FSIP2: variants seen among roughly 807,000 people sequenced by gnomAD.
FSIP2 encodes the protein fibrous sheath-interacting protein 2.
A neutral mutation model predicts 510.5 loss-of-function variants in FSIP2; 367 were observed. That is an observed-to-expected ratio of 0.72 (90% CI 0.66 to 0.78). The LOEUF (loss-of-function observed/expected upper bound fraction) is 0.78, where lower values mean the gene tolerates loss of function less well. FSIP2 is among the 30% of genes least tolerant of loss of function. The probability of loss-of-function intolerance (pLI) is 0.00; values close to 1 mark genes in which losing one functional copy is unlikely to be tolerated. For missense variants in FSIP2, 7,594 were observed against 7,901.7 expected (o/e 0.96, Z 1.48); for synonymous variants, 2,601 against 2,732.2 (o/e 0.95, Z 1.50).
Position 185,813,577 on chromosome 2 carries a change from A to G in FSIP2, c.19860A>G (p.Arg6620=), listed in dbSNP as rs1693776708. 1.3e-6 allele frequency: 2 copies of G among 1,546,492 alleles called. No homozygotes were observed. Among genetic ancestry groups the G allele is most frequent in the Non-Finnish European group, 1.7e-6 (2 of 1,150,724 alleles). ...CTAGAAATTCATTTCAGAATATAAG[A>G]AAGCCTGATATTACAAAGGTGGAGC... ...AVARNSFQNI[R]KPDITKVELL... The change falls in exon 18 of 23, where the codon AGA becomes AGG. Residue 6620 remains arginine (R), a synonymous_variant. Transcript: ENST00000424728.
chr2:185,803,977 C>A lies in FSIP2; in HGVS notation c.14671C>A (p.Pro4891Thr), dbSNP rs896507207. ...AGATAAAAAGAGCATAAGTGACATACCTGTTTCAAAAATAGCGAGTTTTAT... is the reference window on the plus strand; with the variant it reads ...AGATAAAAAGAGCATAAGTGACATAACTGTTTCAAAAATAGCGAGTTTTAT... ...TKDKKSISDI[P>T]VSKIASFIIK... Residue 4891 changes from proline (P) to threonine (T), a missense_variant, in exon 17 of 23, where the codon CCT becomes ACT. By Grantham distance (38) the Pro-to-Thr change is conservative. Coordinates refer to ENST00000424728, the MANE Select transcript of FSIP2 (RefSeq NM_173651.4). The A allele has an allele frequency of 4.7e-6, 7 of 1,496,536 alleles. No homozygotes were observed. Among genetic ancestry groups the A allele is most frequent in the East Asian group, 2.5e-5 (1 of 40,566 alleles). The allele number at this position is 1,496,536 out of a possible 1,614,324, so 92.7% of individuals were successfully genotyped here. A position where few individuals can be genotyped will look rare whatever the true frequency, so the allele number is the denominator to read the frequency against.
At chr2:185,739,277 G>C in intron 1 of FSIP2, 69 bp from the exon 2 acceptor site, 1 of 1,412,538 alleles carries the variant, frequency 7.1e-7, no homozygotes, top group South Asian at 1.4e-5. Context: ...TGCAATGGAA[G>C]TAGATTGGTC....
In FSIP2 at chr2:185,792,044, G is replaced by A; in HGVS notation, c.4908G>A (p.Leu1636=). ...GAGACACACATGAAGCATCATTTCT[G>A]TCTGCTTTATATATGCATGCAAAGA... is the stretch of plus-strand genomic sequence containing the variant. ...ISRDTHEASF[L]SALYMHAKKV... is the part of the protein sequence containing the mutation. Residue 1636 remains leucine (L), a synonymous_variant, in exon 16 of 23, where the codon CTG becomes CTA. Transcript: ENST00000424728. 2 of 1,533,902 alleles carry A rather than the reference G, an allele frequency of 1.3e-6. No individual in the cohort carries two copies. The highest frequency in any genetic ancestry group is 1.7e-6 in the Non-Finnish European group (2 of 1,145,298).
chr2:185,771,809 C>A (rs972899233), intron 13 of FSIP2, among the ~76,000 whole-genome samples: 1 of 152,186 alleles, frequency 6.6e-6, no homozygotes, highest in Non-Finnish European at 1.5e-5. Context: ...CCTTTTCTAT[C>A]ACAAAGACAG....
Position 185,802,172 on chromosome 2 carries a change from T to G in FSIP2, c.12866T>G (p.Val4289Gly), listed in dbSNP as rs756522877. The change falls in exon 17 of 23, where the codon GTG becomes GGG. Residue 4289 changes from valine to glycine, a missense_variant. Physicochemically the swap from Val to Gly is moderately radical, Grantham distance 109. Coordinates refer to ENST00000424728, the MANE Select transcript of FSIP2 (RefSeq NM_173651.4). ...ATTGTTACACAGGTTCTGAGTGAAGTGATAGAGTCACACAGACCTCAGAAG... is the reference window on the plus strand; with the variant it reads ...ATTGTTACACAGGTTCTGAGTGAAGGGATAGAGTCACACAGACCTCAGAAG... ...STIVTQVLSE[V>G]IESHRPQKQS... is the part of the protein sequence containing the mutation. 7 of 1,533,120 alleles carry G rather than the reference T, an allele frequency of 4.6e-6. No homozygotes were observed. Among genetic ancestry groups the G allele is most frequent in the Non-Finnish European group, 6.1e-6 (7 of 1,145,056 alleles). 95.0% of individuals were successfully genotyped at this position (1,533,120 alleles called of 1,614,324 possible).
intron 21 of FSIP2, 62 bp from the exon 22 acceptor site, chr2:185,831,750 TG>T (rs757405577): frequency 1.0e-6 from 1 of 1,000,226 alleles, no homozygotes; most frequent in Non-Finnish European, 1.6e-6. Context: ...TGAGGACTTA[TG>T]GGTATATCTA....
At position 185,806,040 on chromosome 2, in the gene FSIP2, AGAT is replaced by A. The variant is rs1364146860; in HGVS notation, c.16740_16742del (p.Asp5580del). 3 of 1,551,022 alleles carry A rather than the reference AGAT, an allele frequency of 1.9e-6. No homozygotes were observed. In the African/African-American group the frequency reaches 4.2e-5, roughly 21 times the overall value. ...TAATTCCAACAGATAAAAAAGGGAAAGATGATGAGATATACACACATTTTTCAT... is the reference window on the plus strand; with the variant it reads ...TAATTCCAACAGATAAAAAAGGGAAAGATGAGATATACACACATTTTTCAT... On this transcript the variant is annotated inframe_deletion, in exon 17 of 23. Transcript: ENST00000424728.
chr2:185,806,416 A>AG lies in FSIP2; in HGVS notation c.17111dup (p.Ser5704ArgfsTer3). 1 of 1,611,684 alleles carries AG rather than the reference A, an allele frequency of 6.2e-7. No individual in the cohort carries two copies. The highest frequency in any genetic ancestry group is 8.5e-7 in the Non-Finnish European group (1 of 1,178,310). ...AGAACCAGCATATTATTCGAAACTC[A>AG]GTTATGACCAAAGCCCCCCAGGTGA... On this transcript the variant is annotated frameshift_variant, in exon 17 of 23. Transcript: ENST00000424728. LOFTEE classifies it high-confidence loss of function.
rs1304525683 is a variant in FSIP2, at chr2:185,792,261, C to T, written c.5125C>T (p.Arg1709Ter). The T allele has an allele frequency of 9.1e-6, 14 of 1,533,170 alleles. No individual in the cohort carries two copies. In the East Asian group the frequency reaches 2.0e-4, roughly 21 times the overall value. The allele number at this position is 1,533,170 out of a possible 1,614,324, so 95.0% of individuals were successfully genotyped here. The change falls in exon 16 of 23, where the codon CGA (arginine) becomes TGA (stop). Residue 1709 changes from arginine (R) to a stop codon, truncating the protein, a stop_gained. Coordinates refer to ENST00000424728, the MANE Select transcript of FSIP2 (RefSeq NM_173651.4). LOFTEE classifies it high-confidence loss of function. ...ESEGGGIETY[R>*]YRPTYGSLPG... ...TGAAGGGGGAGGCATTGAAACTTAT[C>T]GATACAGGCCAACATATGGAAGTCT...
rs145465425 is a variant in FSIP2, at chr2:185,811,768, C to T, written c.19828-1777C>T. On this transcript the variant is annotated intron_variant, in intron 17 of 22. Transcript: ENST00000424728. ...AGAATAACATTCCTCACATTCCCAC[C>T]GCAACTTTTCTAGCTGTGGCTCAAA... Among the ~76,000 whole-genome samples the T allele has an allele frequency of 6.6e-5, 10 of 152,180 alleles. 1 individual carries two copies. The East Asian group carries it at 9.7e-4, about 15-fold the overall frequency.
At chr2:185,747,288 A>G in intron 6 of FSIP2, 25 bp from the exon 7 acceptor site, 1 of 1,270,734 alleles carries the variant, frequency 7.9e-7, no homozygotes, top group South Asian at 1.3e-5. Flanking sequence ...ACACACACCA[A>G]GTGCAGTAAC....
At chr2:185,823,767 G>A (rs892086159) in intron 19 of FSIP2, among the ~76,000 whole-genome samples, 3 of 151,620 alleles carry the variant, frequency 2.0e-5, no homozygotes, top group Admixed American at 6.6e-5. Context: ...TAAAAGCAGG[G>A]ACTGAAACAG....
chr2:185,737,554 G>A (rs1414802039), upstream of FSIP2, among the ~76,000 whole-genome samples: 1 of 152,160 alleles, frequency 6.6e-6, no homozygotes, highest in African/African-American at 2.4e-5. Context: ...TAAAATTAGT[G>A]GGACTTGGGG....
intron 19 of FSIP2, among the ~76,000 whole-genome samples, chr2:185,816,764 T>C (rs752446410): frequency 2.0e-5 from 3 of 151,488 alleles, no homozygotes; most frequent in Non-Finnish European, 4.4e-5. Context: ...GCTGAGGTGA[T>C]AGAATTGCTT....
In FSIP2 at chr2:185,803,846, A is replaced by T; in HGVS notation, c.14540A>T (p.Tyr4847Phe). ...AAACATGAAATATGTATTATTAAAT[A>T]TGGGAATAAAAAACAGAGTATGATT... ...ISKHEICIIKYGNKKQSMISA... is the reference protein window; with the variant it reads ...ISKHEICIIKFGNKKQSMISA... Residue 4847 changes from tyrosine (Y) to phenylalanine (F), a missense_variant, in exon 17 of 23, where the codon TAT (tyrosine) becomes TTT (phenylalanine). Physicochemically the swap from Tyr to Phe is conservative, Grantham distance 22. Transcript: ENST00000424728. 6.6e-7 allele frequency: 1 copy of T among 1,508,674 alleles called. No homozygotes were observed. The highest frequency in any genetic ancestry group is 8.8e-7 in the Non-Finnish European group (1 of 1,130,292). The allele number at this position is 1,508,674 out of a possible 1,614,324, so 93.5% of individuals were successfully genotyped here.
Position 185,745,354 on chromosome 2 carries a change from A to C in FSIP2, c.478-75A>C, listed in dbSNP as rs974866238. The C allele has an allele frequency of 6.7e-5, 58 of 868,936 alleles. 1 individual carries two copies. The African/African-American group carries it at 7.7e-4, about 12-fold the overall frequency. 53.8% of individuals were successfully genotyped at this position (868,936 alleles called of 1,614,324 possible). On this transcript the variant is annotated intron_variant, in intron 4 of 22. Transcript: ENST00000424728. ...ACAGAATTAAGCATTTATAAAATAT[A>C]TAAATTTAAATGGTTTTATTTCTGG... is the stretch of plus-strand genomic sequence containing the variant.
At position 185,791,453 on chromosome 2, in the gene FSIP2, A is replaced by G; in HGVS notation, c.4317A>G (p.Thr1439=). Residue 1439 remains threonine (T), a synonymous_variant, in exon 16 of 23, where the codon ACA becomes ACG. Transcript: ENST00000424728. ...KLQVLERIGE[T]LHEMLSKLLG... ...AAGTGTTAGAAAGAATTGGGGAAACACTACATGAAATGTTAAGCAAGCTCC... is the reference window on the plus strand; with the variant it reads ...AAGTGTTAGAAAGAATTGGGGAAACGCTACATGAAATGTTAAGCAAGCTCC... 1 of 1,534,272 alleles carries G rather than the reference A, an allele frequency of 6.5e-7. No homozygotes were observed. Among genetic ancestry groups the G allele is most frequent in the Non-Finnish European group, 8.7e-7 (1 of 1,145,638 alleles).
chr2:185,794,029 T>A lies in FSIP2; in HGVS notation c.6893T>A (p.Ile2298Asn). ...GAAAATTGTAAACAAAATGACAGCA[T>A]CTTTTATGATTCAAGCCAAGTGGAA... ...ELENCKQNDSIFYDSSQVESD... is the reference protein window; with the variant it reads ...ELENCKQNDSNFYDSSQVESD... Residue 2298 changes from isoleucine to asparagine, a missense_variant, in exon 16 of 23, where the codon ATC (isoleucine) becomes AAC (asparagine). Transcript: ENST00000424728. 6.5e-7 allele frequency: 1 copy of A among 1,533,906 alleles called. No homozygotes were observed. The highest frequency in any genetic ancestry group is 8.7e-7 in the Non-Finnish European group (1 of 1,145,432).
At chr2:185,746,869 T>C (rs1283039341) in intron 6 of FSIP2, 59 bp downstream of exon 6, 2 of 1,213,658 alleles carry the variant, frequency 1.6e-6, no homozygotes, top group Non-Finnish European at 2.2e-6. Context: ...GTTGCATTTG[T>C]AAATAATTTT....
Sources: allele counts gnomAD v4.1 joint callset (sites outside exome capture counted in the v4.1 genomes callset), GRCh38; gene constraint gnomAD v4.1.1; transcripts MANE v1.5; gene names NCBI Gene and HGNC (gene_info 2026-07-23, HGNC 2026-07-21).